The following NAV3 variants were observed in gnomAD, a reference collection of about 807,000 sequenced individuals.
The protein encoded by NAV3 is pore membrane and/or filament interacting like protein 1.
Under a neutral mutation model 244.7 loss-of-function variants are expected in NAV3, and 87 were observed. That is an observed-to-expected ratio of 0.36 (90% CI 0.30 to 0.42). The LOEUF (loss-of-function observed/expected upper bound fraction) is 0.42. Ranked by LOEUF, NAV3 falls within the 20% of genes least tolerant of loss-of-function variation. NAV3 has a pLI of 1.00. For missense variants in NAV3, 2,663 were observed against 2,893.3 expected, an observed-to-expected ratio of 0.92 and a Z score of 1.83; for synonymous variants, 1,126 against 1,042.2, an observed-to-expected ratio of 1.08 and a Z score of -1.55.
At chr12:77,915,112 T>C (rs1886994867) in intron 1 of NAV3, among the ~76,000 whole-genome samples, 1 of 152,020 alleles carries the variant, frequency 6.6e-6, no homozygotes, top group Non-Finnish European at 1.5e-5. Context: ...TTCTCTTCCT[T>C]CTCTGCAAAA....
chr12:77,707,289 A>G (rs1337869398), intron 2 of NAV3, among the ~76,000 whole-genome samples: 1 of 139,254 alleles, frequency 7.2e-6, no homozygotes, highest in Non-Finnish European at 1.5e-5. Context: ...ATTCCCATCT[A>G]TGAGTGAGAA....
At chr12:77,809,966 T>A (rs1377153307) in intron 2 of NAV3, among the ~76,000 whole-genome samples, 1 of 152,208 alleles carries the variant, frequency 6.6e-6, no homozygotes, top group Non-Finnish European at 1.5e-5. Flanking sequence ...ATATTTTTAT[T>A]GGTTTGTCAC....
At chr12:77,999,945 G>C (rs1316505822) in intron 7 of NAV3, among the ~76,000 whole-genome samples, 2 of 152,110 alleles carry the variant, frequency 1.3e-5, no homozygotes, top group Admixed American at 6.5e-5. Context: ...GTCCAATTAA[G>C]CAACACGATA....
At chr12:77,657,146 CA>C (rs1476377039) in intron 2 of NAV3, among the ~76,000 whole-genome samples, 4 of 152,044 alleles carry the variant, frequency 2.6e-5, no homozygotes, top group African/African-American at 9.7e-5. Flanking sequence ...AAAAACCCTT[CA>C]CAAAATTAAT....
At chr12:77,735,750 G>T (rs1489468468) in intron 2 of NAV3, among the ~76,000 whole-genome samples, 1 of 152,084 alleles carries the variant, frequency 6.6e-6, no homozygotes, top group Non-Finnish European at 1.5e-5. Context: ...AATGCCCATT[G>T]CTTGAATCTA....
chr12:77,819,597 TACAA>T lies in NAV3; in HGVS notation c.73-120720_73-120717del, dbSNP rs1872653522. ...CACCGTTGCTCTATACCCTAAATCT[TACAA>T]ATACAGTGGGAAAGCATTGAGGAGG... is the stretch of plus-strand genomic sequence containing the variant. On this transcript the variant is annotated intron_variant, in intron 2 of 8. Coordinates refer to the NAV3 transcript ENST00000550042. 2.0e-5 allele frequency among the ~76,000 whole-genome samples: 3 copies of T among 152,138 alleles called. No individual in the cohort carries two copies. In the South Asian group the frequency reaches 6.2e-4, roughly 32 times the overall value.
At position 77,966,222 on chromosome 12, in the gene NAV3, G is replaced by C; in HGVS notation, c.415-7G>C. 1 of 1,613,018 alleles carries C rather than the reference G, an allele frequency of 6.2e-7. No homozygotes were observed. Among genetic ancestry groups the C allele is most frequent in the East Asian group, 2.2e-5 (1 of 44,740 alleles). ...AAGTTGCTTTTTCACTGCTTTTCATGTTGCAGATTGAAAATGTTGATGTCT... is the reference window on the plus strand; with the variant it reads ...AAGTTGCTTTTTCACTGCTTTTCATCTTGCAGATTGAAAATGTTGATGTCT... On this transcript the variant is annotated splice_region_variant and splice_polypyrimidine_tract_variant and intron_variant, in intron 3 of 39. Transcript: ENST00000397909.
intron 2 of NAV3, among the ~76,000 whole-genome samples, chr12:77,810,096 ATCT>A (rs1309265035): frequency 4.6e-5 from 7 of 152,328 alleles, no homozygotes; most frequent in African/African-American, 1.4e-4. Context: ...TAGATTTCTA[ATCT>A]TCTAAGTAAG....
chr12:77,693,743 A>G (rs1479230867), intron 2 of NAV3, among the ~76,000 whole-genome samples: 1 of 152,100 alleles, frequency 6.6e-6, no homozygotes, highest in Non-Finnish European at 1.5e-5. Flanking sequence ...GTTAATGTTA[A>G]TAAAAGACCC....
intron 12 of NAV3, among the ~76,000 whole-genome samples, chr12:78,094,574 T>C (rs1954132087): frequency 6.6e-6 from 1 of 152,216 alleles, no homozygotes; most frequent in Admixed American, 6.5e-5. Flanking sequence ...AACCTAATTA[T>C]GACTTTGTAA....
At chr12:77,809,813 C>G (rs1872191204) in intron 2 of NAV3, among the ~76,000 whole-genome samples, 1 of 152,190 alleles carries the variant, frequency 6.6e-6, no homozygotes, top group African/African-American at 2.4e-5. Context: ...TATAGCAAAA[C>G]CACTGTTGTA....
chr12:77,881,366 A>G (rs1181824794), intron 1 of NAV3, among the ~76,000 whole-genome samples: 2 of 152,160 alleles, frequency 1.3e-5, no homozygotes, highest in African/African-American at 4.8e-5. Context: ...AGCTCAGCTG[A>G]ACTTTTCCTT....
At chr12:77,792,891 A>T (rs1466168827) in intron 2 of NAV3, among the ~76,000 whole-genome samples, 1 of 152,100 alleles carries the variant, frequency 6.6e-6, no homozygotes, top group African/African-American at 2.4e-5. Flanking sequence ...CCCAATTACT[A>T]CTGAAAAGCA....
intron 1 of NAV3, among the ~76,000 whole-genome samples, chr12:77,862,722 ATT>A (rs1312913248): frequency 2.6e-5 from 4 of 151,850 alleles, no homozygotes; most frequent in Admixed American, 1.3e-4. Flanking sequence ...GGAAAGTATC[ATT>A]TCATCGGTGG....
chr12:78,065,759 G>A (rs1231162081), intron 12 of NAV3, among the ~76,000 whole-genome samples: 1 of 152,106 alleles, frequency 6.6e-6, no homozygotes, highest in Non-Finnish European at 1.5e-5. Flanking sequence ...GAAAGTTGCA[G>A]GGAAGGTAAG....
chr12:77,659,423 C>A (rs1409527714), intron 2 of NAV3, among the ~76,000 whole-genome samples: 3 of 152,164 alleles, frequency 2.0e-5, no homozygotes, highest in Non-Finnish European at 1.5e-5. Context: ...TCATCTCACA[C>A]CAGTTAGAAT....
At chr12:77,709,237 T>C (rs1386830344) in intron 2 of NAV3, among the ~76,000 whole-genome samples, 2 of 152,214 alleles carry the variant, frequency 1.3e-5, no homozygotes, top group Non-Finnish European at 2.9e-5. Flanking sequence ...AAAAGACCTT[T>C]GACAAAATTC....
At chr12:78,058,635 A>C (rs777593661) in intron 11 of NAV3, among the ~76,000 whole-genome samples, 5 of 152,206 alleles carry the variant, frequency 3.3e-5, no homozygotes, top group African/African-American at 4.8e-5. Context: ...CTTCAAAAAC[A>C]GTATTTCAAA....
At chr12:77,988,195 G>A (rs968376597) in intron 5 of NAV3, among the ~76,000 whole-genome samples, 10 of 152,206 alleles carry the variant, frequency 6.6e-5, no homozygotes, top group Admixed American at 1.3e-4. Context: ...TTCAAATTCA[G>A]TAAGTCTGAG....
Sources: gnomAD v4.1 joint callset for allele counts (sites outside exome capture counted in the v4.1 genomes callset) on GRCh38, gnomAD v4.1.1 for gene constraint, MANE v1.5 for transcripts, NCBI Gene and HGNC (gene_info 2026-07-23, HGNC 2026-07-21) for gene names.